The following MAGI1 variants were observed in gnomAD, a reference collection of about 807,000 sequenced individuals.
MAGI1 encodes membrane associated guanylate kinase, WW and PDZ domain containing 1.
Under a neutral mutation model 139.9 loss-of-function variants are expected in MAGI1, and 58 were observed. That is an observed-to-expected ratio of 0.41 (90% CI 0.34 to 0.52). The LOEUF is 0.52. MAGI1 is among the 20% of genes least tolerant of loss of function. The probability of loss-of-function intolerance (pLI) is 0.12; values close to 1 mark genes in which losing one functional copy is unlikely to be tolerated. For synonymous variants in MAGI1, 812 were observed against 737.9 expected, an observed-to-expected ratio of 1.10 and a Z score of -1.63; for missense variants, 1,874 against 1,901.6, an observed-to-expected ratio of 0.99 and a Z score of 0.27.
chr3:65,578,840 G>A (rs570016423), intron 2 of MAGI1, among the ~76,000 whole-genome samples: 79 of 152,094 alleles, frequency 5.2e-4, no homozygotes, highest in Non-Finnish European at 9.7e-4. Context: ...ACAATCACTT[G>A]AGCCTGGGAG....
At chr3:65,577,738 CA>C in intron 2 of MAGI1, among the ~76,000 whole-genome samples, 1 of 152,282 alleles carries the variant, frequency 6.6e-6, no homozygotes, top group Non-Finnish European at 1.5e-5. Flanking sequence ...AGGCTGTATA[CA>C]AAATGTGTGT....
intron 22 of MAGI1, among the ~76,000 whole-genome samples, chr3:65,357,683 C>T (rs1199168587): frequency 3.3e-5 from 5 of 151,838 alleles, no homozygotes; most frequent in South Asian, 2.1e-4. Context: ...ATTAAATGGG[C>T]GCATACAGAA....
At chr3:65,477,951 C>G (rs986638833) in intron 4 of MAGI1, among the ~76,000 whole-genome samples, 1 of 151,226 alleles carries the variant, frequency 6.6e-6, no homozygotes, top group Non-Finnish European at 1.5e-5. Flanking sequence ...GTAGACAGCC[C>G]TGAATATAGA....
chr3:65,895,255 C>T (rs547957052), intron 1 of MAGI1, among the ~76,000 whole-genome samples: 9 of 152,314 alleles, frequency 5.9e-5, no homozygotes, highest in Non-Finnish European at 1.0e-4. Flanking sequence ...GTTCCCTAGA[C>T]GGGTTCACAG....
intron 1 of MAGI1, among the ~76,000 whole-genome samples, chr3:65,868,234 C>T (rs776667827): frequency 1.3e-5 from 2 of 152,172 alleles, no homozygotes; most frequent in Non-Finnish European, 2.9e-5. Flanking sequence ...AATGATCCTG[C>T]AAACTGAGGA....
intron 1 of MAGI1, among the ~76,000 whole-genome samples, chr3:65,738,673 C>A (rs189758828): frequency 4.7e-4 from 71 of 152,328 alleles, no homozygotes; most frequent in African/African-American, 1.7e-3. Flanking sequence ...TTAACAGGCA[C>A]GAAAACAACA....
intron 1 of MAGI1, among the ~76,000 whole-genome samples, chr3:65,788,922 A>T (rs9846337): frequency 4.4e-4 from 67 of 152,268 alleles, no homozygotes; most frequent in African/African-American, 1.5e-3. Context: ...TTTTGCCTAT[A>T]ATCCCAGTGT....
chr3:65,769,879 A>C (rs551611182), intron 1 of MAGI1, among the ~76,000 whole-genome samples: 3 of 152,330 alleles, frequency 2.0e-5, no homozygotes, highest in African/African-American at 7.2e-5. Context: ...TCACTTCCCC[A>C]GTAAAGTAGC....
chr3:65,607,819 C>T (rs938591793), intron 2 of MAGI1, among the ~76,000 whole-genome samples: 6 of 152,052 alleles, frequency 3.9e-5, no homozygotes, highest in Admixed American at 3.3e-4. Context: ...CGGCTTACTG[C>T]GTATTATGCA....
intron 1 of MAGI1, among the ~76,000 whole-genome samples, chr3:65,658,759 C>A (rs569602684): frequency 1.1e-3 from 164 of 152,338 alleles, no homozygotes; most frequent in African/African-American, 3.6e-3. Flanking sequence ...CACAAGCCAT[C>A]TTCTGCCCTC....
chr3:65,919,179 CT>C (rs1290826504), intron 1 of MAGI1, among the ~76,000 whole-genome samples: 2 of 152,160 alleles, frequency 1.3e-5, no homozygotes, highest in Non-Finnish European at 2.9e-5. Flanking sequence ...TTTGAGGGAG[CT>C]TTCCCCCCAG....
intron 12 of MAGI1, among the ~76,000 whole-genome samples, chr3:65,424,063 T>G (rs1248008098): frequency 6.6e-6 from 1 of 152,204 alleles, no homozygotes; most frequent in African/African-American, 2.4e-5. Flanking sequence ...TTCAATGTGG[T>G]TGCAACAATG....
chr3:65,580,947 C>G (rs1277019857), intron 2 of MAGI1, among the ~76,000 whole-genome samples: 2 of 152,158 alleles, frequency 1.3e-5, no homozygotes, highest in East Asian at 3.9e-4. Flanking sequence ...TGGGCTCCAC[C>G]TGCAAGCCTG....
chr3:65,930,315 C>CAAAAAAAA (rs58258730), intron 1 of MAGI1, among the ~76,000 whole-genome samples: 6,070 of 87,130 alleles, frequency 0.07, 619 homozygotes, highest in Non-Finnish European at 0.11. Context: ...GACTCCGTCT[C>CAAAAAAAA]AAAAAAAAAA....
intron 1 of MAGI1, among the ~76,000 whole-genome samples, chr3:65,757,120 T>C (rs550034715): frequency 6.6e-6 from 1 of 152,310 alleles, no homozygotes; most frequent in African/African-American, 2.4e-5. Context: ...TAGCTTTCCA[T>C]TTGCTACTTT....
chr3:65,516,116 G>C (rs1223539334), intron 2 of MAGI1, among the ~76,000 whole-genome samples: 7 of 152,160 alleles, frequency 4.6e-5, no homozygotes, highest in African/African-American at 1.4e-4. Flanking sequence ...GAGGGTGAGA[G>C]AATTGCCTGA....
At chr3:65,526,698 A>G (rs1351322208) in intron 2 of MAGI1, among the ~76,000 whole-genome samples, 2 of 152,170 alleles carry the variant, frequency 1.3e-5, no homozygotes, top group Non-Finnish European at 2.9e-5. Context: ...ATACAAGAAC[A>G]ACCAAGAGGG....
At chr3:65,939,993 G>A (rs2063232095) in intron 1 of MAGI1, among the ~76,000 whole-genome samples, 1 of 152,174 alleles carries the variant, frequency 6.6e-6, no homozygotes, top group African/African-American at 2.4e-5. Flanking sequence ...CTTGAAATAT[G>A]AGTGTGGCAG....
At chr3:65,453,575 C>G (rs890331399) in intron 5 of MAGI1, among the ~76,000 whole-genome samples, 1 of 152,014 alleles carries the variant, frequency 6.6e-6, no homozygotes, top group Non-Finnish European at 1.5e-5. Context: ...TTACTGAAAG[C>G]TTAAAAAATA....
Sources: allele counts gnomAD v4.1 joint callset (sites outside exome capture counted in the v4.1 genomes callset), GRCh38; gene constraint gnomAD v4.1.1; transcripts MANE v1.5; gene names NCBI Gene and HGNC (gene_info 2026-07-23, HGNC 2026-07-21).